The following CEP152 variants were observed in gnomAD, a reference collection of about 807,000 sequenced individuals.
CEP152 encodes centrosomal protein of 152 kDa.
In CEP152, 132 loss-of-function variants were observed where a neutral mutation model predicts 188.9. The ratio of observed to expected loss-of-function variants is 0.70; its 90% CI spans 0.61 to 0.81. The LOEUF is 0.81. Among genes scored for constraint, CEP152 ranks in the 30% least tolerant of loss-of-function variants. The pLI is 0.00. For synonymous variants in CEP152, 649 were observed against 666.6 expected, an observed-to-expected ratio of 0.97 and a Z score of 0.41; for missense variants, 1,914 against 1,969.8, an observed-to-expected ratio of 0.97 and a Z score of 0.54.
chr15:48,762,648 G>C lies in CEP152; in HGVS notation c.2305C>G (p.Leu769Val). ...EKIKEKLIQQ[L>V]EKEWQSKLDQ... ...AGCTTAGACTGCCACTCCTTTTCAAGCTGTTGAATGAGTTTTTCTTTGATC... is the reference window on the plus strand; with the variant it reads ...AGCTTAGACTGCCACTCCTTTTCAACCTGTTGAATGAGTTTTTCTTTGATC... Residue 769 changes from leucine to valine, a missense_variant, in exon 18 of 27, where the codon CTT becomes GTT. Coordinates refer to ENST00000380950, the MANE Select transcript of CEP152 (RefSeq NM_001194998.2). 1 of 1,613,762 alleles carries C rather than the reference G, an allele frequency of 6.2e-7. No individual in the cohort carries two copies. The highest frequency in any genetic ancestry group is 2.2e-5 in the East Asian group (1 of 44,852).
intron 19 of CEP152, among the ~76,000 whole-genome samples, chr15:48,758,465 C>A (rs1274829052): frequency 6.6e-6 from 1 of 152,070 alleles, no homozygotes; most frequent in Non-Finnish European, 1.5e-5. Flanking sequence ...CACCTGTAAT[C>A]CCAGCACTTT....
intron 7 of CEP152, among the ~76,000 whole-genome samples, chr15:48,791,948 C>T (rs1897019221): frequency 6.6e-6 from 1 of 152,096 alleles, no homozygotes. Flanking sequence ...CAAATCCCTG[C>T]TAATCAAAGA....
downstream of CEP152, among the ~76,000 whole-genome samples, chr15:48,735,340 T>A (rs953547206): frequency 3.3e-5 from 5 of 152,182 alleles, no homozygotes; most frequent in South Asian, 2.1e-4. Context: ...TCAAAACATA[T>A]GAGGTGCAAC....
At chr15:48,788,652 C>T in intron 9 of CEP152, 149 bp downstream of exon 9, 1 of 849,192 alleles carries the variant, frequency 1.2e-6, no homozygotes, top group Non-Finnish European at 2.0e-6. Context: ...GCCAATATCA[C>T]TGGCTTTTAA....
intron 2 of CEP152, among the ~76,000 whole-genome samples, chr15:48,803,061 A>G (rs1897771511): frequency 6.6e-6 from 1 of 152,258 alleles, no homozygotes; most frequent in South Asian, 2.1e-4. Flanking sequence ...CAGATGTGGT[A>G]TGCCTGGTAA....
chr15:48,767,300 A>C (rs745386324), intron 16 of CEP152, 35 bp downstream of exon 16: 1 of 1,614,156 alleles, frequency 6.2e-7, no homozygotes, highest in East Asian at 2.2e-5. Context: ...TGTAGTCTCT[A>C]CAGCTTAAAA....
intron 17 of CEP152, among the ~76,000 whole-genome samples, chr15:48,762,909 T>C (rs572010332): frequency 5.9e-5 from 9 of 152,278 alleles, no homozygotes; most frequent in Middle Eastern, 3.4e-3. Context: ...TTAAGTATGT[T>C]GTGTAAAGTC....
chr15:48,797,670 T>C lies in CEP152; in HGVS notation c.252A>G (p.Gln84=), dbSNP rs752820028. 2 of 1,614,002 alleles carry C rather than the reference T, an allele frequency of 1.2e-6. No individual in the cohort carries two copies. The highest frequency in any genetic ancestry group is 1.7e-5 in the Admixed American group (1 of 59,998). Residue 84 remains glutamine, a synonymous_variant, in exon 4 of 27, where the codon CAA becomes CAG. Coordinates refer to ENST00000380950, the MANE Select transcript of CEP152 (RefSeq NM_001194998.2). ...CACACCAGATACTTACATTTACACT[T>C]TGAGATTTGGGCAGCATTTGCTCAT... The part of the protein sequence containing the change: ...SWNEQMLPKS[Q]SVNGYNEIQS...
chr15:48,787,163 G>T lies in CEP152; in HGVS notation c.1173+1638C>A, dbSNP rs1410087487. 3.2e-3 allele frequency among the ~76,000 whole-genome samples: 321 copies of T among 101,462 alleles called. 4 individuals carry two copies. Among genetic ancestry groups the T allele is most frequent in the Admixed American group, 4.3e-3 (33 of 7,666 alleles). 66.6% of individuals were successfully genotyped at this position (101,462 alleles called of 152,430 possible). ...TTTTCAATAATTTGGTATAGCCTTCGTTTTTTTTTTTTTTTTTTTCTGGAA... is the reference window on the plus strand; with the variant it reads ...TTTTCAATAATTTGGTATAGCCTTCTTTTTTTTTTTTTTTTTTTTCTGGAA... On this transcript the variant is annotated intron_variant, in intron 9 of 26. Coordinates refer to ENST00000380950, the MANE Select transcript of CEP152 (RefSeq NM_001194998.2).
intron 6 of CEP152, among the ~76,000 whole-genome samples, chr15:48,793,693 T>C (rs1028956164): frequency 1.3e-5 from 2 of 152,206 alleles, no homozygotes; most frequent in Admixed American, 6.5e-5. Context: ...CCTGTTCATA[T>C]AGATACATGT....
intron 2 of CEP152, among the ~76,000 whole-genome samples, chr15:48,732,662 T>TTG (rs1175852592): frequency 2.0e-5 from 3 of 151,590 alleles, no homozygotes; most frequent in African/African-American, 7.3e-5. Flanking sequence ...GTATTTTTTT[T>TTG]TTTTAGAGTA....
downstream of CEP152, among the ~76,000 whole-genome samples, chr15:48,735,065 T>C (rs1892550512): frequency 6.6e-6 from 1 of 152,196 alleles, no homozygotes; most frequent in South Asian, 2.1e-4. Context: ...AGAATATACA[T>C]TCTTTTCAGG....
In CEP152 at chr15:48,744,867, A is replaced by G. The variant is rs775959054; in HGVS notation, c.3731+29T>C. ...GATACTTGTACTTAGATTTCTTTAA[A>G]ATAGCACTTTAAAATAGTAAAAGTA... On this transcript the variant is annotated intron_variant, in intron 23 of 26. Transcript: ENST00000380950. 7 of 1,573,474 alleles carry G rather than the reference A, an allele frequency of 4.4e-6. No individual in the cohort carries two copies. In the Admixed American group the frequency reaches 1.3e-4, roughly 29 times the overall value.
chr15:48,731,605 C>A (rs967678130), intron 2 of CEP152, among the ~76,000 whole-genome samples: 1 of 152,072 alleles, frequency 6.6e-6, no homozygotes, highest in African/African-American at 2.4e-5. Context: ...CTAGGCAATA[C>A]CATTTAGGAC....
At chr15:48,807,239 T>C (rs1898037507) in intron 1 of CEP152, among the ~76,000 whole-genome samples, 1 of 152,186 alleles carries the variant, frequency 6.6e-6, no homozygotes, top group South Asian at 2.1e-4. Context: ...ATAAGAATCC[T>C]TTTGTATGTC....
rs142109489 is a variant in CEP152 at position 48,765,546 on chromosome 15, A to G, written c.2280+1514T>C. 1.5e-3 allele frequency: 603 copies of G among 411,898 alleles called. 3 individuals carry two copies. Among genetic ancestry groups the G allele is most frequent in the African/African-American group, 0.012 (571 of 46,396 alleles). 25.5% of individuals were successfully genotyped at this position (411,898 alleles called of 1,614,324 possible). On this transcript the variant is annotated intron_variant, in intron 17 of 26. Coordinates refer to ENST00000380950, the MANE Select transcript of CEP152 (RefSeq NM_001194998.2). ...TGTAACTGACCCATTATATGAGATC[A>G]TATTTTATAGTCAAATTGATTCTAT...
intron 13 of CEP152, 74 bp from the exon 14 acceptor site, chr15:48,769,155 T>G: frequency 7.9e-7 from 1 of 1,268,532 alleles, no homozygotes; most frequent in Middle Eastern, 2.6e-4. Context: ...CTTCCATACT[T>G]TAAAAAAATT....
chr15:48,732,984 G>A (rs1017950332), downstream of CEP152, among the ~76,000 whole-genome samples: 1 of 152,086 alleles, frequency 6.6e-6, no homozygotes, highest in Admixed American at 6.6e-5. Context: ...CCAGCTACTT[G>A]GGAGGCTGAG....
At chr15:48,768,140 T>G (rs974176465) in intron 15 of CEP152, 79 bp downstream of exon 15, 2 of 845,966 alleles carry the variant, frequency 2.4e-6, no homozygotes, top group African/African-American at 3.3e-5. Flanking sequence ...TTTTGAATCT[T>G]TTTGTCACAG....
Sources: gnomAD v4.1 joint callset for allele counts (sites outside exome capture counted in the v4.1 genomes callset) on GRCh38, gnomAD v4.1.1 for gene constraint, MANE v1.5 for transcripts, NCBI Gene and HGNC (gene_info 2026-07-23, HGNC 2026-07-21) for gene names.